Variants in LINGO2 observed in about 807,000 individuals in gnomAD.
LINGO2 encodes leucine-rich repeat and immunoglobulin-like domain-containing nogo receptor-interacting protein 2.
Under a neutral mutation model 30.6 loss-of-function variants are expected in LINGO2, and 14 were observed. That is an observed-to-expected ratio of 0.46 (90% CI 0.30 to 0.72). The LOEUF is 0.72. LINGO2 is among the 30% of genes least tolerant of loss of function. LINGO2 has a pLI of 0.07. For missense variants in LINGO2, 729 were observed against 751.7 expected (o/e 0.97, Z 0.35); for synonymous variants, 317 against 288.5 (o/e 1.10, Z -1.00).
At chr9:28,688,201 A>T in the LINGO2 span, among the ~76,000 whole-genome samples, 1 of 152,120 alleles carries the variant, frequency 6.6e-6, no homozygotes, top group Admixed American at 6.6e-5. Context: ...GTATATCACA[A>T]TGACCCCATT....
chr9:28,397,694 C>G (rs1822108223), intron 2 of LINGO2, among the ~76,000 whole-genome samples: 1 of 151,778 alleles, frequency 6.6e-6, no homozygotes, highest in Admixed American at 6.6e-5. Flanking sequence ...ACTACAGGTG[C>G]CCGCCACCAC....
At chr9:28,903,587 T>C in the LINGO2 span, among the ~76,000 whole-genome samples, 164 of 152,260 alleles carry the variant, frequency 1.1e-3, no homozygotes, top group Non-Finnish European at 1.4e-3. Context: ...GGAATCCTCC[T>C]ACTTCAGTCT....
chr9:28,328,547 T>A (rs1344404611), intron 3 of LINGO2, among the ~76,000 whole-genome samples: 1 of 137,072 alleles, frequency 7.3e-6, no homozygotes, highest in East Asian at 2.1e-4. Flanking sequence ...TTTTAAAAAG[T>A]CCATCTTTGA....
chr9:28,275,249 T>G (rs1823076385), intron 4 of LINGO2, among the ~76,000 whole-genome samples: 1 of 151,944 alleles, frequency 6.6e-6, no homozygotes, highest in Non-Finnish European at 1.5e-5. Flanking sequence ...TTTGTATTTT[T>G]TTTTTAGTAG....
At chr9:27,996,956 C>G (rs1243218509) in intron 5 of LINGO2, among the ~76,000 whole-genome samples, 2 of 152,180 alleles carry the variant, frequency 1.3e-5, no homozygotes, top group Non-Finnish European at 2.9e-5. Flanking sequence ...TGTATTTTCA[C>G]ATACACACAT....
chr9:28,067,248 C>T (rs987310436), intron 4 of LINGO2, among the ~76,000 whole-genome samples: 3 of 151,802 alleles, frequency 2.0e-5, no homozygotes, highest in African/African-American at 7.3e-5. Flanking sequence ...AAGAAGACAC[C>T]CATTAACAAT....
chr9:28,829,124 A>C, the LINGO2 span, among the ~76,000 whole-genome samples: 170 of 152,278 alleles, frequency 1.1e-3, no homozygotes, highest in Non-Finnish European at 2.1e-3. Flanking sequence ...GGAGGAAAAG[A>C]AGCAGCTGAT....
intron 5 of LINGO2, among the ~76,000 whole-genome samples, chr9:27,963,743 A>G (rs1353612687): frequency 3.9e-5 from 6 of 151,932 alleles, no homozygotes; most frequent in African/African-American, 1.4e-4. Context: ...AAGGGTAAAA[A>G]AAAAAAAAAA....
chr9:28,599,596 G>C (rs968241033), intron 1 of LINGO2, among the ~76,000 whole-genome samples: 11 of 151,908 alleles, frequency 7.2e-5, no homozygotes, highest in Non-Finnish European at 1.3e-4. Flanking sequence ...AATCAGATTT[G>C]GATAATAAAG....
intron 2 of LINGO2, among the ~76,000 whole-genome samples, chr9:28,411,331 A>G (rs1215076533): frequency 6.6e-6 from 1 of 151,978 alleles, no homozygotes; most frequent in Non-Finnish European, 1.5e-5. Context: ...TTTCTCTTCA[A>G]TTCTTATAAT....
At chr9:28,737,466 T>C in the LINGO2 span, among the ~76,000 whole-genome samples, 1 of 152,324 alleles carries the variant, frequency 6.6e-6, no homozygotes, top group South Asian at 2.1e-4. Context: ...TAAAGTGGCA[T>C]ATTTACTGAT....
intron 2 of LINGO2, among the ~76,000 whole-genome samples, chr9:28,467,322 TG>T (rs1256722388): frequency 6.6e-6 from 1 of 151,984 alleles, no homozygotes; most frequent in Non-Finnish European, 1.5e-5. Flanking sequence ...CCACCATGCC[TG>T]GCCCCCTAGC....
Position 28,148,401 on chromosome 9 carries a change from A to C in LINGO2, c.-86-135996T>G. On this transcript the variant is annotated intron_variant, in intron 4 of 5. Coordinates refer to ENST00000379992, the Ensembl canonical transcript of LINGO2. This position sits in a 1 kb window ranked among gnomAD's most constrained non-coding sequence, Gnocchi z 5.1. Reference sequence around the variant, plus strand: ...AACCTTCAACTTCCTTCATTAGATGAGCAGGTGATCCCAGCCAGGCTCCCG... The same window carrying C: ...AACCTTCAACTTCCTTCATTAGATGCGCAGGTGATCCCAGCCAGGCTCCCG... 7.9e-7 allele frequency: 1 copy of C among 1,268,376 alleles called. No homozygotes were observed. The highest frequency in any genetic ancestry group is 1.1e-6 in the Non-Finnish European group (1 of 903,320). 78.6% of individuals were successfully genotyped at this position (1,268,376 alleles called of 1,614,324 possible).
the LINGO2 span, among the ~76,000 whole-genome samples, chr9:28,858,720 T>C: frequency 3.3e-5 from 5 of 152,004 alleles, no homozygotes; most frequent in African/African-American, 1.2e-4. Flanking sequence ...TAGAGAAAAC[T>C]TTTCCAAAAT....
intron 1 of LINGO2, among the ~76,000 whole-genome samples, chr9:28,551,961 T>C (rs964969266): frequency 6.6e-6 from 1 of 152,124 alleles, no homozygotes; most frequent in African/African-American, 2.4e-5. Flanking sequence ...CTTCCTTTTA[T>C]AAAAATATTA....
chr9:27,977,798 A>G (rs1820673242), intron 5 of LINGO2, among the ~76,000 whole-genome samples: 1 of 151,948 alleles, frequency 6.6e-6, no homozygotes, highest in Non-Finnish European at 1.5e-5. Context: ...AAGAAAAAAA[A>G]AAAGGAAGAG....
the LINGO2 span, among the ~76,000 whole-genome samples, chr9:28,757,020 G>T: frequency 0.029 from 4,443 of 152,090 alleles, 254 homozygotes; most frequent in African/African-American, 0.099. Context: ...AGTTATAACA[G>T]TGATTATTAG....
At chr9:28,563,047 A>T (rs542234622) in intron 1 of LINGO2, among the ~76,000 whole-genome samples, 2 of 152,044 alleles carry the variant, frequency 1.3e-5, no homozygotes, top group African/African-American at 4.8e-5. Context: ...GGGTTTCACC[A>T]TGTTGGCCGG....
intron 3 of LINGO2, among the ~76,000 whole-genome samples, chr9:28,338,288 C>A (rs1217473016): frequency 6.6e-6 from 1 of 152,158 alleles, no homozygotes; most frequent in Non-Finnish European, 1.5e-5. Flanking sequence ...CCAATTTCTC[C>A]CATTTGGAAC....
Sources: allele counts gnomAD v4.1 joint callset (sites outside exome capture counted in the v4.1 genomes callset), GRCh38; gene constraint gnomAD v4.1.1; non-coding constraint Gnocchi (gnomAD v3.1); transcripts MANE v1.5; gene names NCBI Gene and HGNC (gene_info 2026-07-23, HGNC 2026-07-21).